NPSR1: variants seen among roughly 807,000 people sequenced by gnomAD.
NPSR1 encodes neuropeptide S receptor.
Under a neutral mutation model 46.9 loss-of-function variants are expected in NPSR1, and 48 were observed. The observed-to-expected ratio is 1.02, with a 90% CI of 0.81 to 1.30. The LOEUF (loss-of-function observed/expected upper bound fraction) is 1.30. Ranked by LOEUF, NPSR1 falls within the 50% of genes most tolerant of loss-of-function variation. The pLI, the probability that NPSR1 is intolerant of heterozygous loss-of-function variation, is 0.00. For missense variants in NPSR1, 450 were observed against 449.5 expected, an observed-to-expected ratio of 1.00 and a Z score of -0.01; for synonymous variants, 176 against 168.1, an observed-to-expected ratio of 1.05 and a Z score of -0.36.
At chr7:34,816,050 A>T (rs1174438122) in intron 4 of NPSR1, among the ~76,000 whole-genome samples, 1 of 152,202 alleles carries the variant, frequency 6.6e-6, no homozygotes, top group African/African-American at 2.4e-5. Context: ...TGATAGGATC[A>T]AATTCACATA....
chr7:34,823,053 G>T (rs542319594), intron 4 of NPSR1, among the ~76,000 whole-genome samples: 81 of 152,184 alleles, frequency 5.3e-4, no homozygotes, highest in African/African-American at 1.8e-3. Context: ...CATTCTAATT[G>T]AGTAAATGGG....
chr7:34,838,480 A>G (rs1040254664), intron 6 of NPSR1, among the ~76,000 whole-genome samples: 3 of 152,170 alleles, frequency 2.0e-5, no homozygotes, highest in African/African-American at 7.2e-5. Context: ...TTGATTTCCC[A>G]TCTGTCATTA....
intron 1 of NPSR1, among the ~76,000 whole-genome samples, chr7:34,662,096 T>C (rs411323): frequency 0.79 from 119,967 of 152,106 alleles, 48,101 homozygotes; most frequent in African/African-American, 0.95. Context: ...TAGTGAATTA[T>C]CTAAATTATA....
At chr7:34,664,718 A>G (rs10244603) in intron 1 of NPSR1, among the ~76,000 whole-genome samples, 102 of 152,192 alleles carry the variant, frequency 6.7e-4, no homozygotes, top group African/African-American at 2.4e-3. Context: ...TCTAGCTATT[A>G]TCTAAGCAAA....
intron 3 of NPSR1, among the ~76,000 whole-genome samples, chr7:34,784,645 CT>C (rs896468933): frequency 4.1e-4 from 63 of 151,914 alleles, no homozygotes; most frequent in African/African-American, 1.5e-3. Flanking sequence ...CTAAAATTCT[CT>C]TTTTTTTGTT....
At chr7:34,797,788 G>C (rs1788246221) in intron 3 of NPSR1, among the ~76,000 whole-genome samples, 1 of 152,104 alleles carries the variant, frequency 6.6e-6, no homozygotes, top group South Asian at 2.1e-4. Flanking sequence ...AAGTTGAGGG[G>C]GAAACTTACA....
chr7:34,790,148 T>C (rs1471984153), intron 3 of NPSR1, among the ~76,000 whole-genome samples: 1 of 152,102 alleles, frequency 6.6e-6, no homozygotes, highest in Non-Finnish European at 1.5e-5. Flanking sequence ...CATATTTCAA[T>C]AGCACACTTG....
At chr7:34,718,929 C>G (rs1441080706) in intron 2 of NPSR1, 1 of 152,208 alleles carries the variant, frequency 6.6e-6, no homozygotes, top group Non-Finnish European at 1.5e-5. Flanking sequence ...TCATCTTTCT[C>G]TGTTTTACAG....
At chr7:34,853,013 A>G (rs1790970272), downstream of NPSR1, among the ~76,000 whole-genome samples, 1 of 152,236 alleles carries the variant, frequency 6.6e-6, no homozygotes, top group South Asian at 2.1e-4. Flanking sequence ...ACTAAGCAAC[A>G]TCTCCCACCT....
At chr7:34,751,286 G>A (rs574264099) in intron 2 of NPSR1, 2 of 965,250 alleles carry the variant, frequency 2.1e-6, no homozygotes, top group East Asian at 2.4e-5. Context: ...GTGAACAGAA[G>A]ATGAGGCTGG....
intron 3 of NPSR1, among the ~76,000 whole-genome samples, chr7:34,792,691 A>ATATATATATTTTTT (rs1162825872): frequency 5.2e-4 from 50 of 95,598 alleles, no homozygotes; most frequent in South Asian, 8.9e-4. Context: ...ATATATATGT[A>ATATATATATTTTTT]TATATATACG....
intron 3 of NPSR1, among the ~76,000 whole-genome samples, chr7:34,794,453 C>T (rs1359459743): frequency 6.6e-6 from 1 of 151,980 alleles, no homozygotes; most frequent in African/African-American, 2.4e-5. Flanking sequence ...TAAGATGGAC[C>T]AATTCCTTGA....
intron 3 of NPSR1, among the ~76,000 whole-genome samples, chr7:34,786,384 C>T (rs1461283522): frequency 6.6e-6 from 1 of 152,124 alleles, no homozygotes; most frequent in Non-Finnish European, 1.5e-5. Flanking sequence ...ATTTCTCTTG[C>T]TATTTCCACC....
At chr7:34,796,291 A>G (rs1788167320) in intron 3 of NPSR1, among the ~76,000 whole-genome samples, 1 of 152,202 alleles carries the variant, frequency 6.6e-6, no homozygotes, top group East Asian at 1.9e-4. Context: ...CTTTTTAGAT[A>G]CAACACCAAA....
At chr7:34,705,953 C>A (rs1302418873) in intron 2 of NPSR1, among the ~76,000 whole-genome samples, 1 of 149,660 alleles carries the variant, frequency 6.7e-6, no homozygotes, top group African/African-American at 2.5e-5. Flanking sequence ...TTCAAGAAGT[C>A]ATTGGATAAG....
intron 4 of NPSR1, among the ~76,000 whole-genome samples, chr7:34,817,752 G>A (rs1469155836): frequency 1.3e-5 from 2 of 152,022 alleles, no homozygotes; most frequent in Non-Finnish European, 2.9e-5. Flanking sequence ...CGGGATGGAA[G>A]GCTGGTTCAA....
intron 2 of NPSR1, among the ~76,000 whole-genome samples, chr7:34,741,725 G>A (rs1784951619): frequency 6.6e-6 from 1 of 152,166 alleles, no homozygotes; most frequent in East Asian, 1.9e-4. Context: ...AACTCTTCAA[G>A]AATAAAGTCT....
chr7:34,773,936 A>T (rs895357783), intron 2 of NPSR1, among the ~76,000 whole-genome samples: 2 of 152,174 alleles, frequency 1.3e-5, no homozygotes, highest in African/African-American at 4.8e-5. Context: ...CCACTCCCAT[A>T]GTCCCAACCA....
At chr7:34,700,747 C>T (rs1793786827) in intron 2 of NPSR1, among the ~76,000 whole-genome samples, 3 of 152,130 alleles carry the variant, frequency 2.0e-5, no homozygotes, top group Admixed American at 2.0e-4. Context: ...AGCCCTATGA[C>T]CTATGAAAAG....
Sources: allele counts gnomAD v4.1 joint callset (sites outside exome capture counted in the v4.1 genomes callset), GRCh38; gene constraint gnomAD v4.1.1; transcripts MANE v1.5; gene names NCBI Gene and HGNC (gene_info 2026-07-23, HGNC 2026-07-21).